The following LTBP1 variants were observed in gnomAD, a reference collection of about 807,000 sequenced individuals.
LTBP1 encodes the protein latent transforming growth factor beta binding protein 1.
In LTBP1, 129 loss-of-function variants were observed where a neutral mutation model predicts 207.6. The observed-to-expected ratio is 0.62, with a 90% CI of 0.54 to 0.72. The LOEUF (loss-of-function observed/expected upper bound fraction) is 0.72. Among genes scored for constraint, LTBP1 ranks in the 30% least tolerant of loss-of-function variants. The pLI is 0.00. For missense variants in LTBP1, 2,281 were observed against 2,217.2 expected, an observed-to-expected ratio of 1.03 and a Z score of -0.58; for synonymous variants, 963 against 833.7, an observed-to-expected ratio of 1.16 and a Z score of -2.67.
intron 7 of LTBP1, 83 bp downstream of exon 7, chr2:33,188,934 T>C: frequency 6.8e-7 from 1 of 1,474,662 alleles, no homozygotes; most frequent in East Asian, 2.3e-5. Flanking sequence ...TTGATAAAAA[T>C]GCTTTTTTAA....
chr2:33,162,914 G>T (rs1330984679), intron 5 of LTBP1, among the ~76,000 whole-genome samples: 1 of 152,174 alleles, frequency 6.6e-6, no homozygotes, highest in Non-Finnish European at 1.5e-5. Context: ...AAGGCAAAGG[G>T]CTCTGGGAAA....
At chr2:32,948,994 G>A in intron 2 of LTBP1, 49 bp downstream of exon 2, 12 of 1,591,774 alleles carry the variant, frequency 7.5e-6, no homozygotes, top group Non-Finnish European at 1.0e-5. Context: ...AAAGTGGGGG[G>A]AGGTGTCCAC....
intron 3 of LTBP1, among the ~76,000 whole-genome samples, chr2:33,038,780 A>G (rs1161784618): frequency 6.6e-6 from 1 of 152,240 alleles, no homozygotes; most frequent in Non-Finnish European, 1.5e-5. Context: ...GTCTTTGGAA[A>G]GACTCAGATG....
At chr2:33,285,512 G>A (rs1430295151) in intron 19 of LTBP1, among the ~76,000 whole-genome samples, 8 of 146,072 alleles carry the variant, frequency 5.5e-5, no homozygotes, top group Non-Finnish European at 1.0e-4. Context: ...GCAATGGCGC[G>A]ATCTCGGCTC....
At chr2:33,115,564 T>C (rs1422395922) in intron 4 of LTBP1, among the ~76,000 whole-genome samples, 1 of 152,218 alleles carries the variant, frequency 6.6e-6, no homozygotes, top group Non-Finnish European at 1.5e-5. Flanking sequence ...TAGGTAGTTA[T>C]GAGACTCAGT....
At chr2:33,333,767 A>G (rs1285514419) in intron 24 of LTBP1, among the ~76,000 whole-genome samples, 1 of 152,190 alleles carries the variant, frequency 6.6e-6, no homozygotes, top group Non-Finnish European at 1.5e-5. Context: ...TAATGTTCAG[A>G]AGAGAAGTCT....
At chr2:33,351,307 T>G (rs1477311288) in intron 26 of LTBP1, among the ~76,000 whole-genome samples, 1 of 152,222 alleles carries the variant, frequency 6.6e-6, no homozygotes, top group Non-Finnish European at 1.5e-5. Flanking sequence ...CTTAAGGTTA[T>G]ATAGCTAATG....
At chr2:33,284,458 C>T (rs543500056) in intron 19 of LTBP1, among the ~76,000 whole-genome samples, 101 of 152,322 alleles carry the variant, frequency 6.6e-4, no homozygotes, top group African/African-American at 2.3e-3. Context: ...TCTAGAGAGT[C>T]ACGTTCGTCA....
At chr2:33,016,787 C>T (rs1041764545) in intron 2 of LTBP1, among the ~76,000 whole-genome samples, 1 of 152,202 alleles carries the variant, frequency 6.6e-6, no homozygotes, top group African/African-American at 2.4e-5. Flanking sequence ...CTTTGGGAGG[C>T]TGAAGTGGGT....
At chr2:33,201,323 T>C (rs1219278704) in intron 7 of LTBP1, among the ~76,000 whole-genome samples, 1 of 152,158 alleles carries the variant, frequency 6.6e-6, no homozygotes, top group Non-Finnish European at 1.5e-5. Context: ...TCATGTCCTT[T>C]GTAGGGACAG....
At chr2:33,176,059 G>A (rs894755236) in intron 5 of LTBP1, among the ~76,000 whole-genome samples, 9 of 151,428 alleles carry the variant, frequency 5.9e-5, no homozygotes, top group East Asian at 1.9e-4. Flanking sequence ...AATGCTAAAT[G>A]ACGAGTTAAT....
chr2:33,086,800 C>G (rs1177386226), intron 3 of LTBP1, among the ~76,000 whole-genome samples: 2 of 152,042 alleles, frequency 1.3e-5, no homozygotes, highest in Non-Finnish European at 1.5e-5. Context: ...GTGATTTTCA[C>G]TTCCTTGTCT....
intron 2 of LTBP1, among the ~76,000 whole-genome samples, chr2:32,984,055 T>C (rs1247892550): frequency 2.6e-5 from 4 of 152,240 alleles, no homozygotes; most frequent in Non-Finnish European, 4.4e-5. Flanking sequence ...AAGATGACAC[T>C]GTACATTTGT....
At chr2:33,193,111 T>A (rs964459633) in intron 7 of LTBP1, among the ~76,000 whole-genome samples, 1 of 152,132 alleles carries the variant, frequency 6.6e-6, no homozygotes, top group Admixed American at 6.6e-5. Context: ...GGTAATAGTA[T>A]TGGGATTATG....
chr2:33,180,585 G>A (rs924838601), intron 5 of LTBP1, among the ~76,000 whole-genome samples: 1 of 151,834 alleles, frequency 6.6e-6, no homozygotes, highest in Admixed American at 6.6e-5. Context: ...CCAAGTAGCT[G>A]GGACTACAGG....
chr2:33,162,690 C>G (rs748802190), intron 5 of LTBP1, among the ~76,000 whole-genome samples: 32 of 152,080 alleles, frequency 2.1e-4, no homozygotes, highest in Non-Finnish European at 3.5e-4. Flanking sequence ...CCTTTCTTAT[C>G]CAGTGATAGT....
chr2:33,170,554 C>T (rs2085339849), intron 5 of LTBP1, among the ~76,000 whole-genome samples: 1 of 152,234 alleles, frequency 6.6e-6, no homozygotes, highest in Admixed American at 6.5e-5. Flanking sequence ...GCCTGCCTGC[C>T]TCTGTAGGCT....
intron 3 of LTBP1, among the ~76,000 whole-genome samples, chr2:33,022,365 T>G (rs2075219254): frequency 6.6e-6 from 1 of 151,976 alleles, no homozygotes; most frequent in African/African-American, 2.4e-5. Context: ...GGGACTAGTT[T>G]GAAATGCTAC....
intron 31 of LTBP1, among the ~76,000 whole-genome samples, chr2:33,375,056 A>C (rs2095119875): frequency 2.0e-5 from 3 of 152,250 alleles, no homozygotes; most frequent in Admixed American, 6.5e-5. Context: ...AGATTATTGC[A>C]AAATAAAATT....
Sources: allele counts gnomAD v4.1 joint callset (sites outside exome capture counted in the v4.1 genomes callset), GRCh38; gene constraint gnomAD v4.1.1; transcripts MANE v1.5; gene names NCBI Gene and HGNC (gene_info 2026-07-23, HGNC 2026-07-21).